The following OR7E24 variants were observed in gnomAD, a reference collection of about 807,000 sequenced individuals.
OR7E24 encodes the protein olfactory receptor family 7 subfamily E member 24, also known as olfactory receptor 7E24.
For missense variants in OR7E24, 385 were observed against 410.3 expected, an observed-to-expected ratio of 0.94 and a Z score of 0.53; for synonymous variants, 130 against 157.5, an observed-to-expected ratio of 0.83 and a Z score of 1.31.
At chr19:9,235,302 C>T in the OR7E24 span, 4 of 1,260,112 alleles carry the variant, frequency 3.2e-6, no homozygotes, top group South Asian at 3.6e-5. Context: ...GCTCTGACTC[C>T]CACCTCCACA....
the OR7E24 span, among the ~76,000 whole-genome samples, chr19:9,239,105 T>C: frequency 6.6e-6 from 1 of 152,174 alleles, no homozygotes; most frequent in African/African-American, 2.4e-5. Context: ...AATGCAGCAC[T>C]AATTTATATT....
the OR7E24 span, among the ~76,000 whole-genome samples, chr19:9,215,690 T>C: frequency 6.6e-6 from 1 of 152,228 alleles, no homozygotes; most frequent in African/African-American, 2.4e-5. Flanking sequence ...ACGGTAGGAA[T>C]ATCAACAAAT....
the OR7E24 span, among the ~76,000 whole-genome samples, chr19:9,230,734 T>C: frequency 6.6e-6 from 1 of 152,226 alleles, no homozygotes; most frequent in African/African-American, 2.4e-5. Context: ...TTTTTTCACT[T>C]CAGTGTCCAC....
the OR7E24 span, chr19:9,212,611 G>A: frequency 6.6e-6 from 1 of 152,066 alleles, no homozygotes. Context: ...GATTTCTGTG[G>A]GCTTATAGGG....
At chr19:9,247,569 C>G (rs911177712), upstream of OR7E24, 20 of 398,742 alleles carry the variant, frequency 5.0e-5, no homozygotes, top group Non-Finnish European at 8.0e-5. Flanking sequence ...TCAGCACAAA[C>G]AGGACAGTGG....
chr19:9,217,564 A>G, the OR7E24 span, among the ~76,000 whole-genome samples: 1 of 152,236 alleles, frequency 6.6e-6, no homozygotes, highest in African/African-American at 2.4e-5. Flanking sequence ...TTGGAGATGG[A>G]ATCTCGATCT....
chr19:9,230,119 A>G, the OR7E24 span, among the ~76,000 whole-genome samples: 2 of 150,988 alleles, frequency 1.3e-5, no homozygotes, highest in East Asian at 3.9e-4. Flanking sequence ...ATCTCGGCTC[A>G]GCACAACCTC....
the OR7E24 span, among the ~76,000 whole-genome samples, chr19:9,218,681 G>T: frequency 3.3e-5 from 5 of 152,244 alleles, no homozygotes; most frequent in South Asian, 6.2e-4. Flanking sequence ...CTGGGCTGGA[G>T]TGCGGGGTGC....
At chr19:9,247,264 C>A (rs149515612), upstream of OR7E24, 1 of 384,866 alleles carries the variant, frequency 2.6e-6, no homozygotes, top group Non-Finnish European at 4.6e-6. Context: ...ACCAGTTTGG[C>A]TAATGAGGAG....
At chr19:9,216,256 T>A in the OR7E24 span, among the ~76,000 whole-genome samples, 2 of 152,132 alleles carry the variant, frequency 1.3e-5, no homozygotes, top group Admixed American at 1.3e-4. Context: ...GCATCTTGAT[T>A]TATCATTTTC....
chr19:9,228,952 C>G, the OR7E24 span, among the ~76,000 whole-genome samples: 4 of 152,126 alleles, frequency 2.6e-5, no homozygotes, highest in Non-Finnish European at 5.9e-5. Flanking sequence ...CCAGTTGAAA[C>G]TTTAAGAGGT....
the OR7E24 span, chr19:9,212,029 T>C: frequency 3.3e-5 from 5 of 152,160 alleles, no homozygotes; most frequent in Non-Finnish European, 7.3e-5. Context: ...CTTCTACTTT[T>C]ATTTTTCTTT....
chr19:9,208,703 T>G, the OR7E24 span: 1 of 150,116 alleles, frequency 6.7e-6, no homozygotes, highest in Non-Finnish European at 1.5e-5. Flanking sequence ...TTTTTTTTTT[T>G]TTTTTTGAGA....
chr19:9,237,990 T>C, the OR7E24 span, among the ~76,000 whole-genome samples: 599 of 152,226 alleles, frequency 3.9e-3, 10 homozygotes, highest in African/African-American at 0.014. Flanking sequence ...AAAACAACTG[T>C]AGCCAGCCAG....
chr19:9,239,230 T>C, the OR7E24 span, among the ~76,000 whole-genome samples: 30,734 of 151,786 alleles, frequency 0.2, 5,160 homozygotes, highest in African/African-American at 0.46. Flanking sequence ...AGTGCAGTGA[T>C]GCAATCTTGG....
chr19:9,213,673 G>A, the OR7E24 span: 4 of 508,224 alleles, frequency 7.9e-6, no homozygotes, highest in Admixed American at 6.8e-5. Context: ...GGGAGGTAGA[G>A]GTTGCAGTGA....
At chr19:9,235,930 G>T in the OR7E24 span, 1 of 1,608,610 alleles carries the variant, frequency 6.2e-7, no homozygotes, top group African/African-American at 1.3e-5. Flanking sequence ...TCTCAGTTCT[G>T]CTGTGACCCA....
chr19:9,236,043 C>T, the OR7E24 span: 4 of 1,602,288 alleles, frequency 2.5e-6, no homozygotes, highest in South Asian at 4.4e-5. Flanking sequence ...TGAAGGGGGC[C>T]CTGGGGAGAC....
At chr19:9,246,603 A>G (rs1223444873), upstream of OR7E24, among the ~76,000 whole-genome samples, 2 of 151,566 alleles carry the variant, frequency 1.3e-5, no homozygotes, top group African/African-American at 4.8e-5. Flanking sequence ...AAGCGACACA[A>G]GCGTCCACCA....
Sources: allele counts gnomAD v4.1 joint callset (sites outside exome capture counted in the v4.1 genomes callset), GRCh38; gene constraint gnomAD v4.1.1; transcripts MANE v1.5; gene names NCBI Gene and HGNC (gene_info 2026-07-23, HGNC 2026-07-21).